Variants in JAKMIP1 observed in about 807,000 individuals in gnomAD.
The protein encoded by JAKMIP1 is janus kinase and microtubule-interacting protein 1.
JAKMIP1 carries 33 observed loss-of-function variants against 113.0 expected under a neutral mutation model. The ratio of observed to expected loss-of-function variants is 0.29; its 90% CI spans 0.22 to 0.39. JAKMIP1 has a LOEUF of 0.39. JAKMIP1 is among the 10% of genes least tolerant of loss of function. The pLI is 1.00. For missense variants in JAKMIP1, 813 were observed against 1,080.5 expected (o/e 0.75, Z 3.47); for synonymous variants, 480 against 459.9 (o/e 1.04, Z -0.56).
intron 19 of JAKMIP1, among the ~76,000 whole-genome samples, chr4:6,033,756 A>G (rs973405625): frequency 6.6e-6 from 1 of 152,256 alleles, no homozygotes; most frequent in African/African-American, 2.4e-5. Flanking sequence ...AGGGGAAAAA[A>G]ATCACTGTAA....
chr4:6,116,335 C>T lies in JAKMIP1; in HGVS notation c.-147-3338G>A, dbSNP rs1415845550. On this transcript the variant is annotated intron_variant, in intron 1 of 20. Transcript: ENST00000409021. This position sits in a 1 kb window ranked among gnomAD's most constrained non-coding sequence, Gnocchi z 5.1. The stretch of plus-strand genomic sequence containing the variant: ...AGCTTAGCTTGGTGTCTGCTGCGCC[C>T]GGGGATTTTCGTTCTGAGCCCACTG... Among the ~76,000 whole-genome samples the T allele has an allele frequency of 2.6e-5, 4 of 152,158 alleles. No individual in the cohort carries two copies. The highest frequency in any genetic ancestry group is 2.1e-4 in the South Asian group (1 of 4,816).
chr4:6,129,148 G>A lies in JAKMIP1; in HGVS notation c.-147-16151C>T, dbSNP rs1013688147. ...CCCCACTTTCACTCCGCACTGTGGGGTGTCTTCACATCTACAGAGTTCAGG... is the reference window on the plus strand; with the variant it reads ...CCCCACTTTCACTCCGCACTGTGGGATGTCTTCACATCTACAGAGTTCAGG... On this transcript the variant is annotated intron_variant, in intron 1 of 20. Transcript: ENST00000409021. This position sits in a 1 kb window ranked among gnomAD's most constrained non-coding sequence, Gnocchi z 5.4. Among the ~76,000 whole-genome samples the A allele has an allele frequency of 1.3e-5, 2 of 152,220 alleles. No homozygotes were observed. The highest frequency in any genetic ancestry group is 2.4e-5 in the African/African-American group (1 of 41,460).
chr4:6,061,957 C>T lies in JAKMIP1; in HGVS notation c.1560+355G>A, dbSNP rs969913616. On this transcript the variant is annotated intron_variant, in intron 10 of 20. Coordinates refer to ENST00000409021, the MANE Select transcript of JAKMIP1 (RefSeq NM_001099433.2). The surrounding 1 kb of genome is among the most constrained non-coding windows in gnomAD (Gnocchi z 5.3). Reference sequence around the variant, plus strand: ...GTGTTCTGGTGGATGTCCTGGAGGGCGGGGGGCTGGCAGCCCTGGAGGGAG... The same window carrying T: ...GTGTTCTGGTGGATGTCCTGGAGGGTGGGGGGCTGGCAGCCCTGGAGGGAG... Among the ~76,000 whole-genome samples, 8 of 152,222 alleles carry T rather than the reference C, an allele frequency of 5.3e-5. No homozygotes were observed. Among genetic ancestry groups the T allele is most frequent in the Non-Finnish European group, 8.8e-5 (6 of 68,004 alleles).
intron 1 of JAKMIP1, among the ~76,000 whole-genome samples, chr4:6,121,340 A>C (rs191698937): frequency 2.0e-4 from 31 of 152,310 alleles, no homozygotes; most frequent in African/African-American, 6.7e-4. Flanking sequence ...TGGGCTGCGT[A>C]AGGAGCAAGG....
At chr4:6,032,681 A>G (rs1053059464) in intron 19 of JAKMIP1, among the ~76,000 whole-genome samples, 1 of 142,986 alleles carries the variant, frequency 7.0e-6, no homozygotes, top group South Asian at 2.1e-4. Context: ...ACAAAACAAA[A>G]CAAAACAAAA....
At position 6,097,283 on chromosome 4, in the gene JAKMIP1, C is replaced by T. The variant is rs541336700; in HGVS notation, c.624+8190G>A. On this transcript the variant is annotated intron_variant, in intron 3 of 20. Coordinates refer to ENST00000409021, the MANE Select transcript of JAKMIP1 (RefSeq NM_001099433.2). The surrounding 1 kb of genome is among the most constrained non-coding windows in gnomAD (Gnocchi z 4.3). ...ATGTATTGGGATTACAGTCATGAGC[C>T]ATCTCGCCCCGTTCTGACTCTGAAT... 3.9e-5 allele frequency among the ~76,000 whole-genome samples: 6 copies of T among 152,228 alleles called. No homozygotes were observed. The highest frequency in any genetic ancestry group is 4.1e-4 in the South Asian group (2 of 4,834).
chr4:6,035,584 A>G (rs1274645463), intron 19 of JAKMIP1, among the ~76,000 whole-genome samples: 1 of 152,206 alleles, frequency 6.6e-6, no homozygotes, highest in Non-Finnish European at 1.5e-5. Flanking sequence ...CAAACCATTC[A>G]GCGGATGCCT....
At chr4:6,171,262 A>G (rs1363342861) in intron 1 of JAKMIP1, among the ~76,000 whole-genome samples, 1 of 145,750 alleles carries the variant, frequency 6.9e-6, no homozygotes, top group Non-Finnish European at 1.5e-5. Flanking sequence ...CATCACACCT[A>G]CCACTGTCCT....
chr4:6,038,827 G>C (rs1326811617), intron 18 of JAKMIP1, among the ~76,000 whole-genome samples: 4 of 152,200 alleles, frequency 2.6e-5, no homozygotes, highest in Non-Finnish European at 5.9e-5. Flanking sequence ...CGAGCTCCCA[G>C]GAGACCCCTG....
intron 16 of JAKMIP1, among the ~76,000 whole-genome samples, chr4:6,046,036 C>T (rs1174104845): frequency 1.3e-5 from 2 of 152,224 alleles, no homozygotes; most frequent in African/African-American, 4.8e-5. Context: ...GTGCTCACCC[C>T]CTTTGCAAAC....
Position 6,046,515 on chromosome 4 carries a change from C to T in JAKMIP1, c.2028+2342G>A, listed in dbSNP as rs373736285. Among the ~76,000 whole-genome samples the T allele has an allele frequency of 3.4e-4, 52 of 151,414 alleles. No homozygotes were observed. In the South Asian group the frequency reaches 5.2e-3, roughly 15 times the overall value. ...GGGCGACTGGCACAGCTCTCTAGCA[C>T]GTAGGGCACAAGGCACAGCACCAGG... On this transcript the variant is annotated intron_variant, in intron 16 of 20. Transcript: ENST00000409021.
intron 5 of JAKMIP1, 76 bp downstream of exon 5, chr4:6,084,770 G>A (rs770771859): frequency 4.1e-6 from 6 of 1,455,224 alleles, no homozygotes; most frequent in Non-Finnish European, 5.5e-6. Flanking sequence ...AACTTTCTGT[G>A]CAGGGCATGT....
At chr4:6,084,485 T>C (rs1440287802) in intron 5 of JAKMIP1, among the ~76,000 whole-genome samples, 1 of 152,210 alleles carries the variant, frequency 6.6e-6, no homozygotes, top group Admixed American at 6.5e-5. Flanking sequence ...ATTGTATAAA[T>C]ATTCCATAAT....
At chr4:6,163,302 A>G (rs987160755) in intron 1 of JAKMIP1, among the ~76,000 whole-genome samples, 1 of 152,200 alleles carries the variant, frequency 6.6e-6, no homozygotes, top group Non-Finnish European at 1.5e-5. Context: ...TCTGTGCCAC[A>G]TTTTGGTAAT....
chr4:6,026,905 T>C (rs1455684760), intron 20 of JAKMIP1, among the ~76,000 whole-genome samples: 5 of 151,912 alleles, frequency 3.3e-5, no homozygotes, highest in Non-Finnish European at 7.4e-5. Flanking sequence ...CAGCTATTGT[T>C]AGTGTTAGTG....
intron 1 of JAKMIP1, among the ~76,000 whole-genome samples, chr4:6,182,423 A>AAG (rs1553864359): frequency 1.4e-5 from 2 of 140,242 alleles, no homozygotes; most frequent in Non-Finnish European, 1.5e-5. Context: ...AAAAAAAAAA[A>AAG]AAAGAAAGAA....
intron 3 of JAKMIP1, among the ~76,000 whole-genome samples, chr4:6,098,708 GAAAGAAAGAAAGAAAAAGAAAGAA>G (rs1712424674): frequency 6.7e-5 from 1 of 14,920 alleles, no homozygotes; most frequent in African/African-American, 1.5e-4. Context: ...AAGAAAGAAA[GAAAGAAAGAAAGAAAAAGAAAGAA>G]AGAGAAGGAA....
At chr4:6,078,781 G>A (rs1317322207) in intron 8 of JAKMIP1, among the ~76,000 whole-genome samples, 158 bp downstream of exon 8, 3 of 152,146 alleles carry the variant, frequency 2.0e-5, no homozygotes, top group Non-Finnish European at 4.4e-5. Flanking sequence ...ATGTTGCTTT[G>A]AGAGACGGTG....
intron 1 of JAKMIP1, among the ~76,000 whole-genome samples, chr4:6,159,360 TA>T (rs2108999057): frequency 6.6e-6 from 1 of 152,068 alleles, no homozygotes; most frequent in Non-Finnish European, 1.5e-5. Context: ...GCAAAAATTT[TA>T]AATCTCTGTA....
Sources: gnomAD v4.1 joint callset for allele counts (sites outside exome capture counted in the v4.1 genomes callset) on GRCh38, gnomAD v4.1.1 for gene constraint, Gnocchi (gnomAD v3.1) non-coding constraint, MANE v1.5 for transcripts, NCBI Gene and HGNC (gene_info 2026-07-23, HGNC 2026-07-21) for gene names.